RFPL1: variants seen among roughly 807,000 people sequenced by gnomAD.
RFPL1 encodes ret finger protein-like 1.
RFPL1 carries 6 observed loss-of-function variants against 9.6 expected under a neutral mutation model. The observed-to-expected ratio is 0.62, with a 90% CI of 0.34 to 1.23. RFPL1 has a LOEUF of 1.23. RFPL1 is among the 50% of genes most tolerant of loss of function. The pLI is 0.03. For synonymous variants in RFPL1, 145 were observed against 149.4 expected (o/e 0.97, Z 0.22); for missense variants, 352 against 398.4 (o/e 0.88, Z 0.99).
At chr22:29,436,857 A>C (rs2146364422), upstream of RFPL1, 1 of 152,306 alleles carries the variant, frequency 6.6e-6, no homozygotes, top group Admixed American at 6.5e-5. Flanking sequence ...AAAAAGAGAA[A>C]ATTCCTTTAA....
At chr22:29,421,434 AC>A in the RFPL1 span, among the ~76,000 whole-genome samples, 1 of 151,502 alleles carries the variant, frequency 6.6e-6, no homozygotes, top group African/African-American at 2.4e-5. Context: ...CTCAAAAAAA[AC>A]AAACAAACAA....
intron 1 of RFPL1, 122 bp from the exon 2 acceptor site, chr22:29,441,420 T>G: frequency 3.3e-6 from 4 of 1,227,008 alleles, no homozygotes; most frequent in African/African-American, 1.5e-5. Context: ...AAAGTTTTGA[T>G]TTTGGGGGAA....
the RFPL1 span, among the ~76,000 whole-genome samples, chr22:29,425,293 T>C: frequency 1.3e-5 from 2 of 152,176 alleles, no homozygotes; most frequent in African/African-American, 4.8e-5. Flanking sequence ...TGTCCCTTTT[T>C]TTGCATCTGT....
the RFPL1 span, among the ~76,000 whole-genome samples, chr22:29,397,704 G>A: frequency 6.6e-6 from 1 of 152,172 alleles, no homozygotes; most frequent in Non-Finnish European, 1.5e-5. Flanking sequence ...CTCCTATTGG[G>A]ATAGGGTTAC....
chr22:29,439,929 G>A (rs2062830059), intron 1 of RFPL1: 1 of 152,268 alleles, frequency 6.6e-6, no homozygotes, highest in Non-Finnish European at 1.5e-5. Context: ...GTTGGGAAGA[G>A]TTTGGAATGG....
At chr22:29,437,670 G>A (rs199788483), upstream of RFPL1, 207 of 1,590,600 alleles carry the variant, frequency 1.3e-4, 1 homozygote, top group African/African-American at 2.6e-3. Context: ...TGCCCCTTCC[G>A]CACAAGACCT....
At chr22:29,418,705 G>A in the RFPL1 span, among the ~76,000 whole-genome samples, 1 of 151,760 alleles carries the variant, frequency 6.6e-6, no homozygotes, top group Non-Finnish European at 1.5e-5. Flanking sequence ...TCACCACATT[G>A]GCCAGGCTGG....
chr22:29,406,272 A>ACTAC, the RFPL1 span, among the ~76,000 whole-genome samples: 1 of 130,846 alleles, frequency 7.6e-6, no homozygotes, highest in Non-Finnish European at 1.6e-5. Context: ...TATTCTATAC[A>ACTAC]CTACCAAGTA....
the RFPL1 span, among the ~76,000 whole-genome samples, chr22:29,403,971 C>T: frequency 3.3e-5 from 5 of 152,044 alleles, no homozygotes; most frequent in Non-Finnish European, 7.4e-5. Context: ...TGCACAAAGT[C>T]CTTGTTGCAT....
the RFPL1 span, among the ~76,000 whole-genome samples, chr22:29,392,378 C>CTTTTTTTTTTT: frequency 8.6e-5 from 4 of 46,288 alleles, no homozygotes; most frequent in Non-Finnish European, 1.2e-4. Context: ...CCACACCTGG[C>CTTTTTTTTTTT]TTTTTTTTTT....
chr22:29,435,551 A>C (rs2062804617), upstream of RFPL1, among the ~76,000 whole-genome samples: 1 of 152,196 alleles, frequency 6.6e-6, no homozygotes, highest in Non-Finnish European at 1.5e-5. Flanking sequence ...TGATTGCTTT[A>C]TGACCGGATC....
the RFPL1 span, among the ~76,000 whole-genome samples, chr22:29,411,256 T>C: frequency 5.9e-5 from 9 of 152,270 alleles, no homozygotes; most frequent in Middle Eastern, 3.4e-3. Context: ...GGAGACAATA[T>C]TGATATTATC....
the RFPL1 span, among the ~76,000 whole-genome samples, chr22:29,408,368 T>C: frequency 6.6e-6 from 1 of 152,194 alleles, no homozygotes; most frequent in Non-Finnish European, 1.5e-5. Flanking sequence ...CCAAGGAGAA[T>C]GGTCCAGCAG....
chr22:29,403,535 G>A, the RFPL1 span, among the ~76,000 whole-genome samples: 2 of 152,126 alleles, frequency 1.3e-5, no homozygotes, highest in African/African-American at 4.8e-5. Context: ...TAGGAGGCTG[G>A]TGGCGAAGTG....
chr22:29,395,109 T>C, the RFPL1 span, among the ~76,000 whole-genome samples: 10 of 152,108 alleles, frequency 6.6e-5, no homozygotes, highest in African/African-American at 2.4e-4. Flanking sequence ...CATAAGTACA[T>C]GAACAAATTA....
intron 1 of RFPL1, chr22:29,441,123 G>C (rs578032323): frequency 4.0e-4 from 70 of 174,914 alleles, no homozygotes; most frequent in African/African-American, 1.7e-3. Context: ...CAAAGGCCTG[G>C]AATCATGCTC....
chr22:29,426,702 C>T, the RFPL1 span, among the ~76,000 whole-genome samples: 1 of 151,960 alleles, frequency 6.6e-6, no homozygotes, highest in Non-Finnish European at 1.5e-5. Flanking sequence ...GAGCAGAGAT[C>T]GTGCCATTGC....
the RFPL1 span, among the ~76,000 whole-genome samples, chr22:29,416,280 A>T: frequency 1.3e-5 from 2 of 149,042 alleles, no homozygotes; most frequent in African/African-American, 4.9e-5. Flanking sequence ...GGGCAGGCAG[A>T]GTTGTGGACA....
At chr22:29,410,426 T>TTTGTAG in the RFPL1 span, among the ~76,000 whole-genome samples, 32 of 79,160 alleles carry the variant, frequency 4.0e-4, no homozygotes, top group Non-Finnish European at 6.5e-4. Flanking sequence ...TAGATATATA[T>TTTGTAG]ATTGTAGATA....
Sources: allele counts gnomAD v4.1 joint callset (sites outside exome capture counted in the v4.1 genomes callset), GRCh38; gene constraint gnomAD v4.1.1; transcripts MANE v1.5; gene names NCBI Gene and HGNC (gene_info 2026-07-23, HGNC 2026-07-21).